CLYBL: variants seen among roughly 807,000 people sequenced by gnomAD.
CLYBL encodes citramalyl-CoA lyase, also known as citramalyl-CoA lyase, mitochondrial.
A neutral mutation model predicts 38.9 loss-of-function variants in CLYBL; 31 were observed. The ratio of observed to expected loss-of-function variants is 0.80; its 90% confidence interval spans 0.60 to 1.08. The LOEUF (loss-of-function observed/expected upper bound fraction) is 1.08, where lower values mean the gene tolerates loss of function less well. CLYBL is among the 50% of genes least tolerant of loss of function. The pLI is 0.00. For synonymous variants in CLYBL, 171 were observed against 158.6 expected (o/e 1.08, Z -0.59); for missense variants, 434 against 411.6 (o/e 1.05, Z -0.47).
At chr13:99,901,645 GT>G (rs57853480), downstream of CLYBL, among the ~76,000 whole-genome samples, 1,628 of 127,222 alleles carry the variant, frequency 0.013, 22 homozygotes, top group African/African-American at 0.04. Context: ...GGATTTTTTT[GT>G]TTTTTTTTTT....
intron 2 of CLYBL, among the ~76,000 whole-genome samples, chr13:99,840,550 G>C (rs916583140): frequency 6.6e-6 from 1 of 151,990 alleles, no homozygotes; most frequent in African/African-American, 2.4e-5. Context: ...TTGGGCACAA[G>C]AGTTAGAGAC....
intron 1 of CLYBL, among the ~76,000 whole-genome samples, chr13:99,743,339 A>G (rs2048790309): frequency 6.6e-6 from 1 of 152,182 alleles, no homozygotes; most frequent in Non-Finnish European, 1.5e-5. Flanking sequence ...GGGAAAGAGG[A>G]GAACACTTAG....
intron 6 of CLYBL, among the ~76,000 whole-genome samples, chr13:99,870,385 A>G (rs1016571874): frequency 6.6e-6 from 1 of 152,212 alleles, no homozygotes; most frequent in Admixed American, 6.5e-5. Context: ...AAGAAAAACA[A>G]TTAAATATAC....
chr13:99,737,018 G>A (rs939182407), intron 1 of CLYBL, among the ~76,000 whole-genome samples: 2 of 151,994 alleles, frequency 1.3e-5, no homozygotes, highest in Admixed American at 6.6e-5. Context: ...TTTAGATATA[G>A]ACAATATACA....
intron 2 of CLYBL, among the ~76,000 whole-genome samples, chr13:99,854,075 A>G (rs962754040): frequency 5.3e-5 from 8 of 152,200 alleles, no homozygotes; most frequent in African/African-American, 1.7e-4. Flanking sequence ...TATTCATTGT[A>G]CTTTTCTTTC....
chr13:99,621,706 G>A lies in CLYBL; in HGVS notation c.62+14949G>A, dbSNP rs561947241. 6.3e-4 allele frequency among the ~76,000 whole-genome samples: 96 copies of A among 152,144 alleles called. 2 individuals carry two copies. The highest frequency in any genetic ancestry group is 2.1e-3 in the African/African-American group (86 of 41,502). ...TGTGACCTGGGATGACTTTGAATAC[G>A]ACCCAACACAAATTTGTGAGCTTTC... On this transcript the variant is annotated intron_variant, in intron 1 of 8. Transcript: ENST00000339105.
chr13:99,870,888 G>A (rs377574879), intron 6 of CLYBL, 50 bp from the exon 7 acceptor site: 1 of 1,548,092 alleles, frequency 6.5e-7, no homozygotes, highest in Non-Finnish European at 8.7e-7. Context: ...CATTTTGTTT[G>A]AACATCTGTT....
At chr13:99,815,147 G>A (rs540927021) in intron 2 of CLYBL, among the ~76,000 whole-genome samples, 16 of 152,264 alleles carry the variant, frequency 1.1e-4, no homozygotes, top group Admixed American at 1.0e-3. Flanking sequence ...CTGTTAATCA[G>A]GACAAAGGAT....
At chr13:99,646,575 G>A (rs916909122) in intron 1 of CLYBL, among the ~76,000 whole-genome samples, 5 of 146,958 alleles carry the variant, frequency 3.4e-5, no homozygotes, top group Middle Eastern at 3.5e-3. Flanking sequence ...GTGCAGTGGC[G>A]TGATCTCGGC....
chr13:99,728,414 G>A (rs905380581), intron 1 of CLYBL, among the ~76,000 whole-genome samples: 2 of 151,700 alleles, frequency 1.3e-5, no homozygotes, highest in African/African-American at 4.8e-5. Flanking sequence ...GAGTAGCAGA[G>A]ACTACGGGTG....
intron 1 of CLYBL, among the ~76,000 whole-genome samples, chr13:99,754,772 T>C (rs1441634851): frequency 6.8e-6 from 1 of 146,104 alleles, no homozygotes; most frequent in African/African-American, 2.5e-5. Context: ...TTTTGTATTA[T>C]TAGTAGAGAC....
At chr13:99,664,199 A>C (rs1433770444) in intron 1 of CLYBL, among the ~76,000 whole-genome samples, 1 of 152,260 alleles carries the variant, frequency 6.6e-6, no homozygotes, top group Non-Finnish European at 1.5e-5. Flanking sequence ...CCCTTGGACA[A>C]AAGTTTTCCT....
At chr13:99,846,286 A>AT (rs5806139) in intron 2 of CLYBL, among the ~76,000 whole-genome samples, 52,681 of 107,752 alleles carry the variant, frequency 0.49, 13,716 homozygotes, top group East Asian at 0.62. Flanking sequence ...TTGTGTGGAG[A>AT]TTTTTTTTTT....
At chr13:99,700,244 G>A (rs554721467) in intron 1 of CLYBL, among the ~76,000 whole-genome samples, 1 of 152,078 alleles carries the variant, frequency 6.6e-6, no homozygotes, top group African/African-American at 2.4e-5. Context: ...CCTGAGGTCG[G>A]GAGTTCGAGA....
At chr13:99,819,414 ATTTATATATATATAT>A (rs2050529295) in intron 2 of CLYBL, among the ~76,000 whole-genome samples, 1 of 77,502 alleles carries the variant, frequency 1.3e-5, no homozygotes. Context: ...CTGGGAAAAA[ATTTATATATATATAT>A]ATATATATAT....
At chr13:99,649,655 G>A (rs1390377491) in intron 1 of CLYBL, among the ~76,000 whole-genome samples, 3 of 151,840 alleles carry the variant, frequency 2.0e-5, no homozygotes, top group African/African-American at 4.8e-5. Context: ...TGCTTGAGCC[G>A]GGAGCATGAG....
intron 1 of CLYBL, among the ~76,000 whole-genome samples, chr13:99,614,657 G>A (rs967772842): frequency 3.9e-5 from 6 of 152,160 alleles, no homozygotes; most frequent in African/African-American, 9.7e-5. Context: ...TTGCAGCTGT[G>A]TGGGGCTCGT....
At chr13:99,654,177 T>C (rs1354372687) in intron 1 of CLYBL, among the ~76,000 whole-genome samples, 1 of 152,136 alleles carries the variant, frequency 6.6e-6, no homozygotes. Flanking sequence ...AATCAGAACT[T>C]TGACCCATGA....
intron 1 of CLYBL, among the ~76,000 whole-genome samples, chr13:99,627,189 CAG>C (rs1454040233): frequency 6.6e-6 from 1 of 152,078 alleles, no homozygotes; most frequent in Non-Finnish European, 1.5e-5. Context: ...ATTTCTGACT[CAG>C]ACATCTGGAT....
Sources: allele counts gnomAD v4.1 joint callset (sites outside exome capture counted in the v4.1 genomes callset), GRCh38; gene constraint gnomAD v4.1.1; transcripts MANE v1.5; gene names NCBI Gene and HGNC (gene_info 2026-07-23, HGNC 2026-07-21).